The following BABAM2 variants were observed in gnomAD, a reference collection of about 807,000 sequenced individuals.
BABAM2 encodes BRISC and BRCA1-A complex member 2.
A neutral mutation model predicts 54.7 loss-of-function variants in BABAM2; 31 were observed. The ratio of observed to expected loss-of-function variants is 0.57; its 90% confidence interval spans 0.43 to 0.77. The LOEUF is 0.77. BABAM2 is among the 30% of genes least tolerant of loss of function. BABAM2 has a pLI of 0.00. For missense variants in BABAM2, 364 were observed against 455.8 expected (o/e 0.80, Z 1.83); for synonymous variants, 167 against 162.9 (o/e 1.03, Z -0.19).
rs996291926 is a variant in BABAM2, at chr2:28,304,012, C to G, written c.1088+5521C>G. On this transcript the variant is annotated intron_variant, in intron 11 of 11. Transcript: ENST00000379624. The surrounding 1 kb of genome is among the most constrained non-coding windows in gnomAD (Gnocchi z 4.0). ...TCTTGTGCCTCAGCCTCCTGAGTACCCAGGACTACAGACGTGTGCCACCAC... is the reference window on the plus strand; with the variant it reads ...TCTTGTGCCTCAGCCTCCTGAGTACGCAGGACTACAGACGTGTGCCACCAC... 1.3e-5 allele frequency among the ~76,000 whole-genome samples: 2 copies of G among 152,072 alleles called. No homozygotes were observed. Among genetic ancestry groups the G allele is most frequent in the East Asian group, 1.9e-4 (1 of 5,180 alleles).
chr2:28,271,270 G>T, intron 10 of BABAM2, among the ~76,000 whole-genome samples: 1 of 152,196 alleles, frequency 6.6e-6, no homozygotes, highest in Non-Finnish European at 1.5e-5. Flanking sequence ...TAAATGCAAG[G>T]TGGTCGAGTG....
rs1483980245 is a variant in BABAM2, at chr2:28,325,261, C to G, written c.1089-13189C>G. ...GTAACGGAAGCCTGGGGCCGCAGGG[C>G]TACCTGCTGTCAGCATGTGCAGGGC... is the stretch of plus-strand genomic sequence containing the variant. On this transcript the variant is annotated intron_variant, in intron 11 of 11. Transcript: ENST00000379624. The surrounding 1 kb of genome is among the most constrained non-coding windows in gnomAD (Gnocchi z 4.3). Among the ~76,000 whole-genome samples, 1 of 152,202 alleles carries G rather than the reference C, an allele frequency of 6.6e-6. No homozygotes were observed. The highest frequency in any genetic ancestry group is 1.9e-4 in the East Asian group (1 of 5,188).
intron 10 of BABAM2, among the ~76,000 whole-genome samples, chr2:28,279,624 A>AC (rs1056470867): frequency 5.6e-5 from 8 of 141,648 alleles, no homozygotes; most frequent in African/African-American, 1.6e-4. Flanking sequence ...CTTACCCCTT[A>AC]CCATAAGGGT....
chr2:28,173,920 T>G (rs1674640206), intron 7 of BABAM2, among the ~76,000 whole-genome samples: 1 of 152,088 alleles, frequency 6.6e-6, no homozygotes, highest in Non-Finnish European at 1.5e-5. Flanking sequence ...AAAGACAAGA[T>G]TGATAAATAG....
At chr2:28,297,559 A>G (rs749742430) in intron 10 of BABAM2, among the ~76,000 whole-genome samples, 1 of 152,252 alleles carries the variant, frequency 6.6e-6, no homozygotes, top group Non-Finnish European at 1.5e-5. Context: ...AAAATGAAAG[A>G]TAAAGCATAT....
intron 5 of BABAM2, among the ~76,000 whole-genome samples, chr2:28,036,986 G>A (rs1451764851): frequency 2.6e-5 from 4 of 152,136 alleles, no homozygotes; most frequent in Admixed American, 2.0e-4. Context: ...TATGTGCTCA[G>A]TAAATATTTG....
intron 7 of BABAM2, among the ~76,000 whole-genome samples, chr2:28,140,847 A>T (rs1212499268): frequency 6.6e-6 from 1 of 152,118 alleles, no homozygotes. Flanking sequence ...GCCATAGCAA[A>T]ATACCATAGA....
chr2:27,965,827 T>A (rs1670799069), intron 3 of BABAM2, among the ~76,000 whole-genome samples: 1 of 152,190 alleles, frequency 6.6e-6, no homozygotes, highest in Non-Finnish European at 1.5e-5. Context: ...TTTTTTTCTT[T>A]GTCTTTTTCT....
chr2:28,109,049 C>T (rs1667762645), intron 6 of BABAM2, among the ~76,000 whole-genome samples: 4 of 152,040 alleles, frequency 2.6e-5, no homozygotes, highest in South Asian at 2.1e-4. Context: ...ACAAATGAAT[C>T]TTTCTCCTGC....
chr2:28,240,891 AAAAC>A (rs1682360976), intron 8 of BABAM2, among the ~76,000 whole-genome samples: 1 of 151,818 alleles, frequency 6.6e-6, no homozygotes, highest in African/African-American at 2.4e-5. Context: ...AAAAACAAAA[AAAAC>A]CCATTTATTT....
At chr2:28,186,203 A>G (rs548969935) in intron 7 of BABAM2, among the ~76,000 whole-genome samples, 14 of 152,280 alleles carry the variant, frequency 9.2e-5, no homozygotes, top group Middle Eastern at 3.4e-3. Flanking sequence ...TTTCTAATGT[A>G]TTTATTTTAT....
At chr2:27,901,042 C>CAAAA (rs553293287) in intron 2 of BABAM2, among the ~76,000 whole-genome samples, 3 of 83,616 alleles carry the variant, frequency 3.6e-5, no homozygotes, top group Admixed American at 1.3e-4. Flanking sequence ...GACTCTGTCT[C>CAAAA]AAAAAAAAAA....
At position 28,141,902 on chromosome 2, in the gene BABAM2, G is replaced by T. The variant is rs1374792569; in HGVS notation, c.680+12522G>T. 2.6e-5 allele frequency among the ~76,000 whole-genome samples: 4 copies of T among 152,282 alleles called. No homozygotes were observed. The East Asian group carries it at 7.7e-4, about 29-fold the overall frequency. ...AATAAAGTTGTTCTACTTCATCTTT[G>T]CTGTAGAAGGTATGTTATGTCCACA... On this transcript the variant is annotated intron_variant, in intron 7 of 11. Coordinates refer to ENST00000379624, the MANE Select transcript of BABAM2 (RefSeq NM_199191.3).
At chr2:28,088,772 T>C (rs1665901957) in intron 6 of BABAM2, among the ~76,000 whole-genome samples, 1 of 152,202 alleles carries the variant, frequency 6.6e-6, no homozygotes, top group Non-Finnish European at 1.5e-5. Flanking sequence ...GAAACAAGTA[T>C]GTTTATTCCT....
At chr2:28,064,788 G>C (rs1441263477) in intron 6 of BABAM2, among the ~76,000 whole-genome samples, 1 of 152,042 alleles carries the variant, frequency 6.6e-6, no homozygotes, top group Non-Finnish European at 1.5e-5. Flanking sequence ...GATCACCTGA[G>C]GTCAGGAGTT....
chr2:27,961,402 A>T (rs1670457002), intron 3 of BABAM2, among the ~76,000 whole-genome samples: 1 of 152,196 alleles, frequency 6.6e-6, no homozygotes, highest in African/African-American at 2.4e-5. Context: ...TAGTCAATCA[A>T]TTACATGAGA....
intron 6 of BABAM2, among the ~76,000 whole-genome samples, chr2:28,098,159 A>G (rs1666780186): frequency 6.6e-6 from 1 of 152,206 alleles, no homozygotes; most frequent in African/African-American, 2.4e-5. Flanking sequence ...CATCTTTACT[A>G]TATTTAGTTT....
intron 2 of BABAM2, among the ~76,000 whole-genome samples, chr2:27,909,450 T>C (rs1666422255): frequency 3.3e-5 from 5 of 152,338 alleles, no homozygotes; most frequent in African/African-American, 1.2e-4. Context: ...TTTTGGGTTC[T>C]GAATATCAGT....
intron 7 of BABAM2, among the ~76,000 whole-genome samples, chr2:28,231,264 T>C (rs1681358041): frequency 6.6e-6 from 1 of 152,162 alleles, no homozygotes; most frequent in Admixed American, 6.5e-5. Flanking sequence ...GTAATGGCTC[T>C]GCTGGCAGGC....
Sources: gnomAD v4.1 joint callset for allele counts (sites outside exome capture counted in the v4.1 genomes callset) on GRCh38, gnomAD v4.1.1 for gene constraint, Gnocchi (gnomAD v3.1) non-coding constraint, MANE v1.5 for transcripts, NCBI Gene and HGNC (gene_info 2026-07-23, HGNC 2026-07-21) for gene names.